Variants in CTCFL observed in about 807,000 individuals in gnomAD.
CTCFL encodes the protein CCCTC-binding factor like.
Under a neutral mutation model 67.4 loss-of-function variants are expected in CTCFL, and 36 were observed. The ratio of observed to expected loss-of-function variants is 0.53; its 90% CI spans 0.41 to 0.71. The LOEUF is 0.71. Ranked by LOEUF, CTCFL falls within the 30% of genes least tolerant of loss-of-function variation. The probability of loss-of-function intolerance (pLI) is 0.00; values close to 1 mark genes in which losing one functional copy is unlikely to be tolerated. For missense variants in CTCFL, 786 were observed against 835.2 expected, an observed-to-expected ratio of 0.94 and a Z score of 0.73; for synonymous variants, 324 against 302.3, an observed-to-expected ratio of 1.07 and a Z score of -0.75.
intron 8 of CTCFL, among the ~76,000 whole-genome samples, chr20:57,511,593 CCCCT>C (rs1487923137): frequency 5.3e-5 from 8 of 151,184 alleles, no homozygotes; most frequent in Non-Finnish European, 8.8e-5. Flanking sequence ...TCTAATCCCC[CCCCT>C]TTTTTTTTTT....
Position 57,497,876 on chromosome 20 carries a change from C to G in CTCFL, c.*674G>C. The stretch of plus-strand genomic sequence containing the variant: ...CAAAAATCTAAAGGTGAACCTTGCT[C>G]CTATACCAAAGTAAAATCGATTTAT... On this transcript the variant is annotated 3_prime_UTR_variant, in exon 11 of 11. Coordinates refer to ENST00000243914, the MANE Select transcript of CTCFL (RefSeq NM_001386993.1). 1 of 977,148 alleles carries G rather than the reference C, an allele frequency of 1.0e-6. No homozygotes were observed. Among genetic ancestry groups the G allele is most frequent in the Non-Finnish European group, 1.2e-6 (1 of 822,628 alleles). The allele number at this position is 977,148 out of a possible 1,614,324, so 60.5% of individuals were successfully genotyped here.
At chr20:57,524,917 T>G in intron 1 of CTCFL, 111 bp downstream of exon 1, 1 of 221,598 alleles carries the variant, frequency 4.5e-6, no homozygotes, top group Non-Finnish European at 7.3e-6. Context: ...CCCCTCAGCG[T>G]CTGCCGCCCG....
At chr20:57,507,721 C>A in intron 9 of CTCFL, 1 of 703,042 alleles carries the variant, frequency 1.4e-6, no homozygotes, top group Non-Finnish European at 2.6e-6. Flanking sequence ...GACATCCTGA[C>A]TGCAGCCTCA....
chr20:57,504,133 C>T (rs533810130), intron 9 of CTCFL, among the ~76,000 whole-genome samples: 214 of 151,952 alleles, frequency 1.4e-3, no homozygotes, highest in African/African-American at 4.8e-3. Context: ...CCCGTCACCA[C>T]GCCCGGCTGA....
Position 57,497,216 on chromosome 20 carries a change from A to G in CTCFL, c.*1334T>C. On this transcript the variant is annotated 3_prime_UTR_variant, in exon 11 of 11. Transcript: ENST00000243914. ...ATTGAATTATGTAAAACATCTTTAA[A>G]TAACAGTAAAAAAATTAAGAAACCA... The G allele has an allele frequency of 1.1e-6, 1 of 948,736 alleles. No homozygotes were observed. The highest frequency in any genetic ancestry group is 1.8e-5 in the African/African-American group (1 of 56,592). 58.8% of individuals were successfully genotyped at this position (948,736 alleles called of 1,614,324 possible).
chr20:57,523,539 G>A, intron 2 of CTCFL, 124 bp downstream of exon 2: 7 of 1,329,530 alleles, frequency 5.3e-6, no homozygotes, highest in Non-Finnish European at 7.1e-6. Flanking sequence ...ATTTTCCTGG[G>A]AAGTATTTGT....
In CTCFL at chr20:57,519,202, T is replaced by G; in HGVS notation, c.925+5A>C. 1 of 1,613,750 alleles carries G rather than the reference T, an allele frequency of 6.2e-7. No homozygotes were observed. Among genetic ancestry groups the G allele is most frequent in the Non-Finnish European group, 8.5e-7 (1 of 1,179,726 alleles). ...CCAGAGAAACAGCCTTCCCGGCAGTTTTACCTGTGTGGGTGTTAACATGGT... is the reference window on the plus strand; with the variant it reads ...CCAGAGAAACAGCCTTCCCGGCAGTGTTACCTGTGTGGGTGTTAACATGGT... On this transcript the variant is annotated splice_donor_5th_base_variant and intron_variant, in intron 4 of 10. Coordinates refer to ENST00000243914, the MANE Select transcript of CTCFL (RefSeq NM_001386993.1).
At chr20:57,499,848 C>T (rs1305198136) in intron 10 of CTCFL, 19 of 465,428 alleles carry the variant, frequency 4.1e-5, no homozygotes, top group East Asian at 3.1e-4. Flanking sequence ...GGCGGTGATG[C>T]GCCCGATGGG....
chr20:57,524,529 G>A, intron 1 of CTCFL: 5 of 1,129,036 alleles, frequency 4.4e-6, no homozygotes, highest in Non-Finnish European at 5.4e-6. Context: ...CTCTGGCCCA[G>A]TGCATATCCT....
chr20:57,520,031 A>T (rs961432418), intron 3 of CTCFL, among the ~76,000 whole-genome samples: 1 of 150,268 alleles, frequency 6.7e-6, no homozygotes. Flanking sequence ...TTCCATCAGC[A>T]AAAGAAGTTC....
In CTCFL at chr20:57,507,498, G is replaced by C. The variant is rs974435472; in HGVS notation, c.1674+1108C>G. 5.0e-5 allele frequency: 34 copies of C among 684,486 alleles called. 1 individual carries two copies. Among genetic ancestry groups the C allele is most frequent in the Non-Finnish European group, 7.5e-5 (28 of 372,178 alleles). 42.4% of individuals were successfully genotyped at this position (684,486 alleles called of 1,614,324 possible). On this transcript the variant is annotated intron_variant, in intron 9 of 10. Transcript: ENST00000243914. Reference sequence around the variant, plus strand: ...CAGGTGTGAGCCCCCACAGCTGGCTGTTGTGCCGCTTTTAGGACTAGACTG... The same window carrying C: ...CAGGTGTGAGCCCCCACAGCTGGCTCTTGTGCCGCTTTTAGGACTAGACTG...
rs756678721 is a variant in CTCFL at position 57,498,504 on chromosome 20, C to G, written c.*46G>C. On this transcript the variant is annotated 3_prime_UTR_variant, in exon 11 of 11. Coordinates refer to ENST00000243914, the MANE Select transcript of CTCFL (RefSeq NM_001386993.1). ...CACCTTAAATGCTAAAAACTTCTAA[C>G]TTGCTTTAGGAATTGGGGGCAGTGA... is the stretch of plus-strand genomic sequence containing the variant. 1.9e-6 allele frequency: 3 copies of G among 1,583,802 alleles called. No homozygotes were observed. The South Asian group carries it at 3.4e-5, about 18-fold the overall frequency.
At chr20:57,506,653 A>C (rs1017244901) in intron 9 of CTCFL, 2 of 316,786 alleles carry the variant, frequency 6.3e-6, no homozygotes, top group African/African-American at 4.5e-5. Context: ...CTGAGTTATA[A>C]GAGTTCTTTT....
At chr20:57,522,735 G>A (rs1037134081) in intron 3 of CTCFL, among the ~76,000 whole-genome samples, 3 of 152,052 alleles carry the variant, frequency 2.0e-5, no homozygotes, top group East Asian at 1.9e-4. Context: ...TGAAGCACAC[G>A]AGGCCTCACC....
At chr20:57,503,652 ACCCCTCTCAGGG>A (rs1329452720) in intron 9 of CTCFL, 51 bp from the exon 10 acceptor site, 5 of 1,577,932 alleles carry the variant, frequency 3.2e-6, no homozygotes, top group Non-Finnish European at 2.6e-6. Context: ...TGGGGCAGGG[ACCCCTCTCAGGG>A]GCCTGTGGGG....
At position 57,523,904 on chromosome 20, in the gene CTCFL, C is replaced by G. The variant is rs1314547833; in HGVS notation, c.302G>C (p.Ser101Thr). The change falls in exon 2 of 11, where the codon AGC (serine) becomes ACC (threonine). Residue 101 changes from serine (S) to threonine (T), a missense_variant. By Grantham distance (58) the Ser-to-Thr change is moderately conservative. Around this residue, in one of 3 missense-constraint regions of CTCFL, gnomAD observed 333 missense variants for 304.6 expected, o/e 1.09. Coordinates refer to ENST00000243914, the MANE Select transcript of CTCFL (RefSeq NM_001386993.1). ...CTGCACCCCTTCTTGCTGCTGTATG[C>G]TCAGCAAGCTCATATCCTGCAACTC... ...AVELQDMSLL[S>T]IQQQEGVQVV... 1.2e-6 allele frequency: 2 copies of G among 1,613,142 alleles called. 1 individual carries two copies. Among genetic ancestry groups the G allele is most frequent in the Admixed American group, 3.3e-5 (2 of 60,024 alleles).
intron 3 of CTCFL, among the ~76,000 whole-genome samples, chr20:57,521,225 C>T (rs1401861187): frequency 6.6e-6 from 1 of 152,184 alleles, no homozygotes; most frequent in African/African-American, 2.4e-5. Flanking sequence ...GAAGCTAACA[C>T]AGTGCCAGTT....
intron 2 of CTCFL, among the ~76,000 whole-genome samples, 161 bp from the exon 3 acceptor site, chr20:57,523,439 CT>C (rs575280488): frequency 2.0e-5 from 3 of 152,036 alleles, no homozygotes; most frequent in African/African-American, 7.3e-5. Flanking sequence ...AAACTTAACA[CT>C]TTTTTTTAAA....
chr20:57,520,453 G>T (rs950050974), intron 3 of CTCFL, among the ~76,000 whole-genome samples: 1 of 152,020 alleles, frequency 6.6e-6, no homozygotes, highest in Non-Finnish European at 1.5e-5. Context: ...AAAACAACTG[G>T]CAAAAAAATG....
Sources: gnomAD v4.1 joint callset for allele counts (sites outside exome capture counted in the v4.1 genomes callset) on GRCh38, gnomAD v4.1.1 for gene constraint, gnomAD v4.1.1 regional missense constraint, MANE v1.5 for transcripts, NCBI Gene and HGNC (gene_info 2026-07-23, HGNC 2026-07-21) for gene names.